The following PCLO variants were observed in gnomAD, a reference collection of about 807,000 sequenced individuals.
PCLO encodes the protein piccolo presynaptic cytomatrix protein, also known as protein piccolo.
A neutral mutation model predicts 427.5 loss-of-function variants in PCLO; 82 were observed. The ratio of observed to expected loss-of-function variants is 0.19; its 90% CI spans 0.16 to 0.23. PCLO has a LOEUF of 0.23. Ranked by LOEUF, PCLO falls within the 10% of genes least tolerant of loss-of-function variation. The pLI, the probability that PCLO is intolerant of heterozygous loss-of-function variation, is 1.00. For synonymous variants in PCLO, 2,357 were observed against 2,155.4 expected (o/e 1.09, Z -2.59); for missense variants, 6,239 against 6,115.9 (o/e 1.02, Z -0.67).
chr7:82,829,100 T>C (rs1329495053), intron 16 of PCLO, among the ~76,000 whole-genome samples: 1 of 152,152 alleles, frequency 6.6e-6, no homozygotes, highest in Non-Finnish European at 1.5e-5. Context: ...CTAATTTACC[T>C]ATACATTGTA....
At chr7:82,804,690 C>A (rs2129468790) in intron 21 of PCLO, among the ~76,000 whole-genome samples, 1 of 152,276 alleles carries the variant, frequency 6.6e-6, no homozygotes, top group Admixed American at 6.5e-5. Flanking sequence ...TCAGGCAACA[C>A]AGAGCTAATA....
Position 82,954,035 on chromosome 7 carries a change from C to A in PCLO, c.6918G>T (p.Lys2306Asn), listed in dbSNP as rs754626048. 1 of 1,613,772 alleles carries A rather than the reference C, an allele frequency of 6.2e-7. No homozygotes were observed. Among genetic ancestry groups the A allele is most frequent in the Non-Finnish European group, 8.5e-7 (1 of 1,179,840 alleles). Residue 2306 changes from lysine to asparagine, a missense_variant, in exon 5 of 25, where the codon AAG becomes AAT. By Grantham distance (94) the Lys-to-Asn change is moderately conservative. This residue lies in a region of PCLO where 4,677 missense variants were observed against 4,468.4 expected (regional missense o/e 1.05). Transcript: ENST00000333891. ...CCAGAATGATTCCATTCCCAGTTTC[C>A]TTCTTGGCTTTCTTCACTGGGTCCT... ...SEKDPVKKAK[K>N]ETGNGIILEV... is the part of the protein sequence containing the mutation.
chr7:83,032,668 A>G (rs1304070702), intron 3 of PCLO, among the ~76,000 whole-genome samples: 5 of 152,108 alleles, frequency 3.3e-5, no homozygotes, highest in Non-Finnish European at 7.4e-5. Context: ...CATGCCCACA[A>G]TGAAACTCTT....
At chr7:82,850,641 T>G (rs1314812819) in intron 10 of PCLO, among the ~76,000 whole-genome samples, 1 of 152,158 alleles carries the variant, frequency 6.6e-6, no homozygotes, top group Admixed American at 6.6e-5. Flanking sequence ...TTCAGTTAGT[T>G]AAAAATCTTA....
chr7:83,115,694 G>A (rs1315069591), intron 3 of PCLO, among the ~76,000 whole-genome samples: 1 of 152,032 alleles, frequency 6.6e-6, no homozygotes, highest in East Asian at 1.9e-4. Flanking sequence ...CACACATAGA[G>A]ATTGGAGGTT....
At chr7:82,887,808 A>G (rs776033987) in intron 9 of PCLO, among the ~76,000 whole-genome samples, 47 of 150,482 alleles carry the variant, frequency 3.1e-4, no homozygotes, top group Non-Finnish European at 2.5e-4. Context: ...CAAGGCTTAC[A>G]ATGAAAAAGC....
chr7:82,916,983 T>G, intron 6 of PCLO, 110 bp from the exon 7 acceptor site: 1 of 718,608 alleles, frequency 1.4e-6, no homozygotes, highest in Non-Finnish European at 2.2e-6. Flanking sequence ...GATTTTGCTA[T>G]CGCAGCATGA....
chr7:83,031,980 T>G (rs1275381064), intron 3 of PCLO, among the ~76,000 whole-genome samples: 1 of 152,116 alleles, frequency 6.6e-6, no homozygotes. Context: ...TTGCATTTGA[T>G]TAGCTACTTT....
chr7:82,814,831 T>A (rs926638117), intron 20 of PCLO, among the ~76,000 whole-genome samples: 4 of 151,686 alleles, frequency 2.6e-5, no homozygotes, highest in Non-Finnish European at 2.9e-5. Context: ...CCTGAAAGGG[T>A]TTCTGGGACA....
chr7:83,003,848 T>C (rs754170248), intron 3 of PCLO, among the ~76,000 whole-genome samples: 1 of 151,776 alleles, frequency 6.6e-6, no homozygotes, highest in Non-Finnish European at 1.5e-5. Flanking sequence ...GGGGTAATTC[T>C]TGCCTTACAA....
At chr7:83,114,115 C>A (rs1386745036) in intron 3 of PCLO, among the ~76,000 whole-genome samples, 1 of 152,098 alleles carries the variant, frequency 6.6e-6, no homozygotes, top group African/African-American at 2.4e-5. Flanking sequence ...AGAAAGCCTG[C>A]ATTTCACTCT....
intron 3 of PCLO, among the ~76,000 whole-genome samples, chr7:82,986,892 C>A (rs377031796): frequency 6.6e-6 from 1 of 151,746 alleles, no homozygotes; most frequent in African/African-American, 2.4e-5. Flanking sequence ...ATTAAATGAG[C>A]CTGTGACATT....
chr7:83,137,859 T>C (rs1791767612), intron 2 of PCLO, among the ~76,000 whole-genome samples: 1 of 152,248 alleles, frequency 6.6e-6, no homozygotes, highest in African/African-American at 2.4e-5. Context: ...ATATAAATAT[T>C]TGAAGTCCTA....
rs142551963 is a variant in PCLO at position 83,086,384 on chromosome 7, C to T, written c.3300+47866G>A. On this transcript the variant is annotated intron_variant, in intron 3 of 24. Transcript: ENST00000333891. ...TCAGCATCCCAAAGTTCTAGGATTACAGGCGTGAGCCACTGCACCTGGCTG... is the reference window on the plus strand; with the variant it reads ...TCAGCATCCCAAAGTTCTAGGATTATAGGCGTGAGCCACTGCACCTGGCTG... 9.3e-4 allele frequency among the ~76,000 whole-genome samples: 142 copies of T among 152,240 alleles called. 1 individual carries two copies. Among genetic ancestry groups the T allele is most frequent in the African/African-American group, 3.0e-3 (125 of 41,550 alleles).
At chr7:82,825,755 CAT>C (rs897497637) in intron 18 of PCLO, among the ~76,000 whole-genome samples, 5 of 123,678 alleles carry the variant, frequency 4.0e-5, no homozygotes, top group African/African-American at 7.6e-5. Flanking sequence ...TGTATATAGA[CAT>C]ATATACATTG....
chr7:82,904,981 T>C (rs1794150763), intron 8 of PCLO, among the ~76,000 whole-genome samples: 1 of 152,058 alleles, frequency 6.6e-6, no homozygotes, highest in Non-Finnish European at 1.5e-5. Flanking sequence ...GAATTAGATG[T>C]ACGAGCTAGA....
rs190821734 is a variant in PCLO, at chr7:83,096,926, A to G, written c.3300+37324T>C. ...ATTATATTATCTAAATATATATAATATAATATAATATATTATATATTATAT... is the reference window on the plus strand; with the variant it reads ...ATTATATTATCTAAATATATATAATGTAATATAATATATTATATATTATAT... On this transcript the variant is annotated intron_variant, in intron 3 of 24. Transcript: ENST00000333891. 8.4e-5 allele frequency among the ~76,000 whole-genome samples: 6 copies of G among 71,256 alleles called. 1 individual carries two copies. Among genetic ancestry groups the G allele is most frequent in the Non-Finnish European group, 1.4e-4 (6 of 42,948 alleles). The allele number at this position is 71,256 out of a possible 152,430, so 46.7% of individuals were successfully genotyped here. A position where few individuals can be genotyped will look rare whatever the true frequency, so the allele number is the denominator to read the frequency against.
chr7:83,028,796 T>G (rs991599835), intron 3 of PCLO, among the ~76,000 whole-genome samples: 1 of 148,982 alleles, frequency 6.7e-6, no homozygotes, highest in African/African-American at 2.4e-5. Context: ...CCCTCAGAAA[T>G]AACGCCGCGT....
At chr7:83,022,160 G>A (rs956060967) in intron 3 of PCLO, among the ~76,000 whole-genome samples, 1 of 152,070 alleles carries the variant, frequency 6.6e-6, no homozygotes, top group Non-Finnish European at 1.5e-5. Flanking sequence ...GAAGGAGCTT[G>A]TTGGTCTCCT....
Sources: gnomAD v4.1 joint callset for allele counts (sites outside exome capture counted in the v4.1 genomes callset) on GRCh38, gnomAD v4.1.1 for gene constraint, gnomAD v4.1.1 regional missense constraint, MANE v1.5 for transcripts, NCBI Gene and HGNC (gene_info 2026-07-23, HGNC 2026-07-21) for gene names.